Variants in TNS3 observed in about 807,000 individuals in gnomAD.
The protein encoded by TNS3 is tensin-3.
A neutral mutation model predicts 140.9 loss-of-function variants in TNS3; 45 were observed. That is an observed-to-expected ratio of 0.32 (90% confidence interval 0.25 to 0.41). TNS3 has a LOEUF of 0.41. TNS3 is among the 10% of genes least tolerant of loss of function. The probability of loss-of-function intolerance (pLI) is 1.00; values close to 1 mark genes in which losing one functional copy is unlikely to be tolerated. For synonymous variants in TNS3, 815 were observed against 788.4 expected (o/e 1.03, Z -0.56); for missense variants, 1,716 against 1,906.7 (o/e 0.90, Z 1.86).
At chr7:47,441,307 T>C (rs1203234651) in intron 5 of TNS3, among the ~76,000 whole-genome samples, 1 of 152,168 alleles carries the variant, frequency 6.6e-6, no homozygotes. Context: ...GCCTCCCGAA[T>C]AGCTGGGATT....
chr7:47,554,858 G>A (rs946347774), intron 1 of TNS3, among the ~76,000 whole-genome samples: 15 of 151,738 alleles, frequency 9.9e-5, no homozygotes, highest in Admixed American at 2.0e-4. Flanking sequence ...GTGAAACCCC[G>A]TCCTACTAAA....
chr7:47,580,195 A>G (rs942601445), intron 1 of TNS3, among the ~76,000 whole-genome samples: 28 of 152,302 alleles, frequency 1.8e-4, no homozygotes, highest in African/African-American at 6.5e-4. Context: ...AGCCAGGAAC[A>G]GGGGTCTGGG....
intron 4 of TNS3, among the ~76,000 whole-genome samples, chr7:47,478,125 G>A (rs1337025759): frequency 1.3e-5 from 2 of 152,188 alleles, no homozygotes; most frequent in East Asian, 3.8e-4. Context: ...ACCCCTGACT[G>A]CACGCCCACG....
chr7:47,380,349 A>C (rs943254972), intron 16 of TNS3, among the ~76,000 whole-genome samples: 2 of 152,236 alleles, frequency 1.3e-5, no homozygotes, highest in Non-Finnish European at 2.9e-5. Flanking sequence ...CAGGGGCCCA[A>C]GCCCAGAGGA....
At chr7:47,335,515 T>G (rs563931619) in intron 20 of TNS3, among the ~76,000 whole-genome samples, 1 of 152,360 alleles carries the variant, frequency 6.6e-6, no homozygotes, top group South Asian at 2.1e-4. Context: ...ATTTAAAACA[T>G]GAGCACACTG....
At chr7:47,447,000 A>G (rs1795775790) in intron 4 of TNS3, among the ~76,000 whole-genome samples, 1 of 149,192 alleles carries the variant, frequency 6.7e-6, no homozygotes, top group African/African-American at 2.4e-5. Context: ...ACTGCTCTTT[A>G]GAAGCATTTT....
intron 16 of TNS3, among the ~76,000 whole-genome samples, chr7:47,381,369 T>C (rs1371323014): frequency 6.6e-6 from 1 of 152,240 alleles, no homozygotes; most frequent in Admixed American, 6.5e-5. Flanking sequence ...CTCCACGTTC[T>C]GTGTTCAGTG....
chr7:47,278,465 T>C, intron 30 of TNS3: 1 of 496,884 alleles, frequency 2.0e-6, no homozygotes, highest in East Asian at 3.4e-5. Flanking sequence ...GTGAGTGCCC[T>C]GTCCACAGCC....
chr7:47,324,827 C>T (rs1357535737), intron 20 of TNS3, among the ~76,000 whole-genome samples: 2 of 151,990 alleles, frequency 1.3e-5, no homozygotes, highest in African/African-American at 2.4e-5. Context: ...GAAAAATGTC[C>T]CTGTTAAGAA....
At chr7:47,414,446 G>A (rs1444694180) in intron 11 of TNS3, among the ~76,000 whole-genome samples, 2 of 152,216 alleles carry the variant, frequency 1.3e-5, no homozygotes, top group Admixed American at 1.3e-4. Context: ...GAGAGGACAG[G>A]GCCCTGACCC....
At position 47,379,313 on chromosome 7, in the gene TNS3, C is replaced by T. The variant is rs143865859; in HGVS notation, c.1025-9692G>A. Among the ~76,000 whole-genome samples the T allele has an allele frequency of 7.3e-3, 1,112 of 152,340 alleles. 15 individuals carry two copies. Among genetic ancestry groups the T allele is most frequent in the African/African-American group, 0.025 (1,052 of 41,572 alleles). ...CCATAGCATATGCAAAAATCACTCT[C>T]GTTTTTTCCATGTGGACATTTATAA... On this transcript the variant is annotated intron_variant, in intron 16 of 30. Transcript: ENST00000311160.
intron 10 of TNS3, 79 bp downstream of exon 10, chr7:47,424,022 G>T: frequency 7.2e-7 from 1 of 1,397,394 alleles, no homozygotes; most frequent in East Asian, 2.3e-5. Context: ...GGACAGAGGA[G>T]ATGCCTCTTC....
At chr7:47,303,622 G>C in intron 21 of TNS3, 38 bp from the exon 22 acceptor site, 6 of 1,530,652 alleles carry the variant, frequency 3.9e-6, no homozygotes, top group Non-Finnish European at 5.3e-6. Flanking sequence ...AGCATGTAAG[G>C]TACAAAGAGA....
At chr7:47,405,875 G>C (rs1239261841) in intron 13 of TNS3, among the ~76,000 whole-genome samples, 2 of 152,120 alleles carry the variant, frequency 1.3e-5, no homozygotes, top group African/African-American at 4.8e-5. Context: ...GGTCACTGGA[G>C]CGAGGTTCTA....
chr7:47,417,770 AC>A (rs1251653411), intron 10 of TNS3, among the ~76,000 whole-genome samples: 1 of 151,716 alleles, frequency 6.6e-6, no homozygotes, highest in Non-Finnish European at 1.5e-5. Flanking sequence ...ACAAAAAAAA[AC>A]CAACATATTG....
intron 20 of TNS3, among the ~76,000 whole-genome samples, chr7:47,332,939 G>A (rs1176157222): frequency 1.3e-5 from 2 of 152,148 alleles, no homozygotes; most frequent in East Asian, 3.9e-4. Context: ...AGGAGAGGAG[G>A]GGGTAATGGA....
At chr7:47,322,687 G>T (rs986786096) in intron 20 of TNS3, among the ~76,000 whole-genome samples, 1 of 152,140 alleles carries the variant, frequency 6.6e-6, no homozygotes, top group Non-Finnish European at 1.5e-5. Context: ...TGAGGGGAGT[G>T]CCTAAATATT....
intron 16 of TNS3, among the ~76,000 whole-genome samples, chr7:47,391,432 A>C (rs1792510100): frequency 6.6e-6 from 1 of 152,234 alleles, no homozygotes; most frequent in South Asian, 2.1e-4. Context: ...GTGTATGATA[A>C]CAAAAATCTC....
At chr7:47,353,643 T>G (rs1789812642) in intron 17 of TNS3, among the ~76,000 whole-genome samples, 1 of 152,228 alleles carries the variant, frequency 6.6e-6, no homozygotes, top group Non-Finnish European at 1.5e-5. Context: ...TTTAATTGTT[T>G]GAGTCCATCA....
Sources: gnomAD v4.1 joint callset for allele counts (sites outside exome capture counted in the v4.1 genomes callset) on GRCh38, gnomAD v4.1.1 for gene constraint, MANE v1.5 for transcripts, NCBI Gene and HGNC (gene_info 2026-07-23, HGNC 2026-07-21) for gene names.